DMD: variants seen among roughly 807,000 people sequenced by gnomAD.
The protein encoded by DMD is mutant dystrophin.
Under a neutral mutation model 330.1 loss-of-function variants are expected in DMD, and 63 were observed. The ratio of observed to expected loss-of-function variants is 0.19; its 90% CI spans 0.16 to 0.24. DMD has a LOEUF of 0.24. Among genes scored for constraint, DMD ranks in the 10% least tolerant of loss-of-function variants. The probability of loss-of-function intolerance (pLI) is 1.00; values close to 1 mark genes in which losing one functional copy is unlikely to be tolerated. For missense variants in DMD, 3,344 were observed against 2,684.1 expected, an observed-to-expected ratio of 1.25 and a Z score of -5.43; for synonymous variants, 1,223 against 959.8, an observed-to-expected ratio of 1.27 and a Z score of -5.07.
Position 32,815,520 on chromosome X carries a change from T to TATATATATATACACAC in DMD, c.530+947_530+948insGTGTGTATATATATAT. ...ATATATATATATATATATATATATA[T>TATATATATATACACAC]ACACACACACACACACATATATATA... On this transcript the variant is annotated intron_variant, in intron 6 of 78. Transcript: ENST00000357033. Among the ~76,000 whole-genome samples, 83 of 78,907 alleles carry TATATATATATACACAC rather than the reference T, an allele frequency of 1.1e-3. 1 individual carries two copies. Among genetic ancestry groups the TATATATATATACACAC allele is most frequent in the Admixed American group, 1.4e-3 (9 of 6,510 alleles). The allele number at this position is 78,907 out of a possible 115,157, so 68.5% of individuals were successfully genotyped here.
At chrX:33,208,665 C>T (rs187193885) in intron 1 of DMD, among the ~76,000 whole-genome samples, 245 of 110,406 alleles carry the variant, frequency 2.2e-3, no homozygotes, top group African/African-American at 7.5e-3. Context: ...AAACTTTATA[C>T]CCTGTGATTT....
intron 7 of DMD, among the ~76,000 whole-genome samples, chrX:32,796,583 C>A (rs937668708): frequency 9.0e-6 from 1 of 111,250 alleles, no homozygotes; most frequent in African/African-American, 3.3e-5. Context: ...ATGTACATTT[C>A]AAAGTAGATG....
chrX:32,444,213 A>C (rs1347525164), intron 27 of DMD, among the ~76,000 whole-genome samples: 2 of 110,663 alleles, frequency 1.8e-5, no homozygotes, highest in African/African-American at 6.6e-5. Context: ...ATTATGATTT[A>C]GCAAGGAAAC....
In DMD at chrX:32,332,535, C is replaced by A. The variant is rs182867088; in HGVS notation, c.5922+9565G>T. ...AAACGAAAAGAGCCACATGGAGAAA[C>A]GGGGGAGGATTATTTTAGGCAGAGG... On this transcript the variant is annotated intron_variant, in intron 41 of 78. Transcript: ENST00000357033. Among the ~76,000 whole-genome samples, 5 of 108,321 alleles carry A rather than the reference C, an allele frequency of 4.6e-5. No individual in the cohort carries two copies. The South Asian group carries it at 2.0e-3, about 44-fold the overall frequency. 94.1% of individuals were successfully genotyped at this position (108,321 alleles called of 115,157 possible).
At chrX:32,273,503 T>A (rs1272814095) in intron 43 of DMD, among the ~76,000 whole-genome samples, 1 of 110,581 alleles carries the variant, frequency 9.0e-6, no homozygotes, top group Non-Finnish European at 1.9e-5. Flanking sequence ...AATATTCTTT[T>A]TTTTTTTTTC....
At chrX:32,014,439 G>A (rs116833965) in intron 44 of DMD, among the ~76,000 whole-genome samples, 1 of 111,013 alleles carries the variant, frequency 9.0e-6, no homozygotes, top group South Asian at 3.8e-4. Flanking sequence ...CTTGGGCCTC[G>A]ACCAAATCAA....
At chrX:31,843,799 G>GAATAGTATTTCCTAGGTTTTCTTCTTC (rs2093360072) in intron 48 of DMD, among the ~76,000 whole-genome samples, 2 of 84,604 alleles carry the variant, frequency 2.4e-5, no homozygotes, top group South Asian at 9.6e-4. Context: ...CTGATGTCCA[G>GAATAGTATTTCCTAGGTTTTCTTCTTC]AATAGTATTT....
chrX:32,280,654 C>T (rs2097417379), intron 43 of DMD, among the ~76,000 whole-genome samples: 1 of 111,787 alleles, frequency 8.9e-6, no homozygotes, highest in Non-Finnish European at 1.9e-5. Flanking sequence ...GCTGCTAATG[C>T]TGCTATAGCT....
At chrX:31,444,760 C>T in intron 59 of DMD, 133 bp from the exon 60 acceptor site, 1 of 711,732 alleles carries the variant, frequency 1.4e-6, no homozygotes. Context: ...ATGTTTGTGT[C>T]CCCCCTCAAA....
chrX:31,721,718 C>CTCTCTCTCTCTA (rs1227959078), intron 52 of DMD, among the ~76,000 whole-genome samples: 1 of 56,497 alleles, frequency 1.8e-5, no homozygotes, highest in East Asian at 5.2e-4. Context: ...CTCTCTCTCT[C>CTCTCTCTCTCTA]TATATATATA....
intron 1 of DMD, among the ~76,000 whole-genome samples, chrX:33,029,094 C>G (rs990125585): frequency 1.8e-5 from 2 of 111,448 alleles, no homozygotes; most frequent in Non-Finnish European, 3.8e-5. Flanking sequence ...AATCTCAGAT[C>G]TACTAAGTCC....
chrX:33,283,957 G>T (rs1472894012), intron 1 of DMD, among the ~76,000 whole-genome samples: 5 of 110,861 alleles, frequency 4.5e-5, no homozygotes, highest in Non-Finnish European at 3.8e-5. Context: ...GGCGGAGGTT[G>T]CAGTGAGCCA....
intron 2 of DMD, among the ~76,000 whole-genome samples, chrX:32,965,322 T>A (rs1027006505): frequency 1.8e-5 from 2 of 110,590 alleles, no homozygotes; most frequent in Non-Finnish European, 3.8e-5. Flanking sequence ...TGAAATCCCA[T>A]CTGTACTAAA....
chrX:32,480,612 CACA>C (rs1428952281), intron 21 of DMD, among the ~76,000 whole-genome samples: 1 of 111,181 alleles, frequency 9.0e-6, no homozygotes, highest in East Asian at 2.8e-4. Flanking sequence ...TGTGTACATA[CACA>C]GTATGTGTAT....
intron 4 of DMD, among the ~76,000 whole-genome samples, chrX:32,840,108 G>A (rs1335798281): frequency 8.9e-6 from 1 of 112,012 alleles, no homozygotes; most frequent in Non-Finnish European, 1.9e-5. Context: ...ATGTCTTGAG[G>A]TTTTGTCCTC....
rs717561 is a variant in DMD at position 32,495,514 on chromosome X, C to A, written c.2381-3996G>T. On this transcript the variant is annotated intron_variant, in intron 19 of 78. Coordinates refer to ENST00000357033, the MANE Select transcript of DMD (RefSeq NM_004006.3). ...CTTACTGACACTGTCACGTTAATAA[C>A]CGACACTGTCACATTACTTAATGTA... Among the ~76,000 whole-genome samples, 751 of 111,444 alleles carry A rather than the reference C, an allele frequency of 6.7e-3. 27 individuals carry two copies. Among genetic ancestry groups the A allele is most frequent in the Admixed American group, 0.062 (642 of 10,421 alleles).
chrX:31,238,054 G>T (rs1206327267), intron 63 of DMD, among the ~76,000 whole-genome samples: 17 of 111,830 alleles, frequency 1.5e-4, no homozygotes, highest in Non-Finnish European at 1.9e-5. Context: ...TCAAAACTAT[G>T]CTGCATTTGG....
chrX:33,077,221 G>C (rs1399841696), intron 1 of DMD, among the ~76,000 whole-genome samples: 2 of 111,212 alleles, frequency 1.8e-5, no homozygotes, highest in Admixed American at 1.9e-4. Flanking sequence ...TCCTACAAAC[G>C]CAAGTCCCAG....
chrX:31,372,576 G>T (rs1465803192), intron 60 of DMD, among the ~76,000 whole-genome samples: 1 of 111,762 alleles, frequency 8.9e-6, no homozygotes, highest in East Asian at 2.8e-4. Flanking sequence ...TCATTTGTGT[G>T]ACCTTAAAAA....
Sources: gnomAD v4.1 joint callset for allele counts (sites outside exome capture counted in the v4.1 genomes callset) on GRCh38, gnomAD v4.1.1 for gene constraint, MANE v1.5 for transcripts, NCBI Gene and HGNC (gene_info 2026-07-23, HGNC 2026-07-21) for gene names.